Variants in SPATS2L observed in about 807,000 individuals in gnomAD.
The protein encoded by SPATS2L is SPATS2-like protein.
In SPATS2L, 30 loss-of-function variants were observed where a neutral mutation model predicts 59.6. The ratio of observed to expected loss-of-function variants is 0.50; its 90% CI spans 0.38 to 0.68. The LOEUF (loss-of-function observed/expected upper bound fraction) is 0.68. SPATS2L is among the 30% of genes least tolerant of loss of function. The pLI is 0.00. For synonymous variants in SPATS2L, 252 were observed against 263.5 expected (o/e 0.96, Z 0.42); for missense variants, 615 against 700.0 (o/e 0.88, Z 1.37).
intron 2 of SPATS2L, among the ~76,000 whole-genome samples, chr2:200,388,945 A>G (rs2082084980): frequency 6.6e-6 from 1 of 152,158 alleles, no homozygotes. Context: ...CTTTTACATA[A>G]TAGGAAGAAA....
chr2:200,480,782 T>TA lies in SPATS2L; in HGVS notation c.*2752dup, dbSNP rs2087757688. Reference sequence around the variant, plus strand: ...ATGTCAGGCCGCTTAAACACTGTATTACATATCTTCATCTGTCTGGTGGAA... The same window carrying TA: ...ATGTCAGGCCGCTTAAACACTGTATTAACATATCTTCATCTGTCTGGTGGAA... On this transcript the variant is annotated 3_prime_UTR_variant, in exon 13 of 13. Coordinates refer to ENST00000409140, the MANE Select transcript of SPATS2L (RefSeq NM_001100423.2). 1 of 152,238 alleles carries TA rather than the reference T, an allele frequency of 6.6e-6. No individual in the cohort carries two copies. Among genetic ancestry groups the TA allele is most frequent in the African/African-American group, 2.4e-5 (1 of 41,454 alleles). 9.4% of individuals were successfully genotyped at this position (152,238 alleles called of 1,614,324 possible). A position where few individuals can be genotyped will look rare whatever the true frequency, so the allele number is the denominator to read the frequency against.
At chr2:200,363,738 A>G (rs969103648) in intron 2 of SPATS2L, among the ~76,000 whole-genome samples, 3 of 152,226 alleles carry the variant, frequency 2.0e-5, no homozygotes, top group Non-Finnish European at 2.9e-5. Context: ...AGATGACATA[A>G]TAATGAAAAG....
At chr2:200,369,370 G>A (rs958291059) in intron 2 of SPATS2L, among the ~76,000 whole-genome samples, 11 of 152,136 alleles carry the variant, frequency 7.2e-5, no homozygotes, top group Non-Finnish European at 1.3e-4. Flanking sequence ...TGTTGGCCAA[G>A]CTGGTCTTGA....
At chr2:200,335,178 A>C (rs907282654) in intron 2 of SPATS2L, among the ~76,000 whole-genome samples, 4 of 152,164 alleles carry the variant, frequency 2.6e-5, no homozygotes, top group Admixed American at 2.6e-4. Context: ...AGACAAAACT[A>C]AACTTTGTTG....
At chr2:200,393,375 G>A (rs1269181247) in intron 3 of SPATS2L, 1 of 455,912 alleles carries the variant, frequency 2.2e-6, no homozygotes, top group Admixed American at 2.4e-5. Context: ...GATCACAGAG[G>A]TTCAGTGTAA....
At chr2:200,434,801 C>G (rs568537153) in intron 6 of SPATS2L, among the ~76,000 whole-genome samples, 58 of 152,074 alleles carry the variant, frequency 3.8e-4, no homozygotes, top group African/African-American at 1.3e-3. Flanking sequence ...CAACACAAGT[C>G]CAATGAAAAT....
chr2:200,353,192 A>C (rs539348458), intron 2 of SPATS2L, among the ~76,000 whole-genome samples: 2 of 152,322 alleles, frequency 1.3e-5, no homozygotes, highest in South Asian at 4.1e-4. Flanking sequence ...GAGATGAAAA[A>C]GTCCATGTAA....
chr2:200,433,935 C>T (rs1434768461), intron 6 of SPATS2L, among the ~76,000 whole-genome samples: 3 of 152,036 alleles, frequency 2.0e-5, no homozygotes, highest in African/African-American at 4.8e-5. Flanking sequence ...TACTTCCTAA[C>T]TCATTTTATG....
rs921777062 is a variant in SPATS2L at position 200,307,012 on chromosome 2, C to G, written c.-73+90C>G. 22 of 966,028 alleles carry G rather than the reference C, an allele frequency of 2.3e-5. 1 individual carries two copies. In the South Asian group the frequency reaches 3.8e-4, roughly 17 times the overall value. 59.8% of individuals were successfully genotyped at this position (966,028 alleles called of 1,614,324 possible). The stretch of plus-strand genomic sequence containing the variant: ...GGCCTGCGCGGCCGGGACGGAGACT[C>G]GGCTGGGCCGAGCATTCCGCAGCCC... On this transcript the variant is annotated intron_variant, in intron 1 of 12. Coordinates refer to ENST00000409140, the MANE Select transcript of SPATS2L (RefSeq NM_001100423.2).
intron 2 of SPATS2L, among the ~76,000 whole-genome samples, chr2:200,350,663 A>G (rs1299496565): frequency 1.3e-5 from 2 of 152,188 alleles, no homozygotes; most frequent in South Asian, 2.1e-4. Flanking sequence ...AGCTGGGACT[A>G]CAGGTGTGTG....
chr2:200,477,602 G>T (rs1444202380), intron 12 of SPATS2L, 34 bp from the exon 13 acceptor site: 1 of 1,476,278 alleles, frequency 6.8e-7, no homozygotes, highest in Admixed American at 2.5e-5. Flanking sequence ...TGGCTTGCTG[G>T]CATCTGATAC....
rs117996228 is a variant in SPATS2L at position 200,477,893 on chromosome 2, C to T, written c.1539C>T (p.His513=). Residue 513 remains histidine, a synonymous_variant, in exon 13 of 13, where the codon CAC becomes CAT. Coordinates refer to ENST00000409140, the MANE Select transcript of SPATS2L (RefSeq NM_001100423.2). ...CTGAAAAGCCCCGGCGAAGGCAGCA[C>T]GCTGCAGACACCTCGGAGGCCAGGC... ...AHSEKPRRRQ[H]AADTSEARPF... 9.3e-3 allele frequency: 15,029 copies of T among 1,610,758 alleles called. 401 individuals carry two copies. The highest frequency in any genetic ancestry group is 0.074 in the East Asian group (3,320 of 44,770).
intron 1 of SPATS2L, among the ~76,000 whole-genome samples, chr2:200,325,599 G>T (rs2079710650): frequency 6.6e-6 from 1 of 152,098 alleles, no homozygotes; most frequent in Admixed American, 6.5e-5. Context: ...GGCTGGTCTT[G>T]AATTCCTGGC....
In SPATS2L at chr2:200,470,989, A is replaced by G. The variant is rs905096936; in HGVS notation, c.1060+973A>G. ...GCCTAGCCAATATGGTAAAACCCCC[A>G]TCTCTACTAAAAGTGCAAAAATTAG... On this transcript the variant is annotated intron_variant, in intron 11 of 12. Coordinates refer to ENST00000409140, the MANE Select transcript of SPATS2L (RefSeq NM_001100423.2). 4.6e-5 allele frequency among the ~76,000 whole-genome samples: 7 copies of G among 152,098 alleles called. No homozygotes were observed. In the East Asian group the frequency reaches 1.4e-3, roughly 30 times the overall value.
In SPATS2L at chr2:200,344,316, C is replaced by A. The variant is rs754211329; in HGVS notation, c.-23+14836C>A. ...GCTCCCACTTATAAGTGAGAACACA[C>A]AACATTTTGTTTTCTGTTCCTATGT... On this transcript the variant is annotated intron_variant, in intron 2 of 12. Coordinates refer to ENST00000409140, the MANE Select transcript of SPATS2L (RefSeq NM_001100423.2). 7.2e-5 allele frequency among the ~76,000 whole-genome samples: 11 copies of A among 152,246 alleles called. 1 individual carries two copies. The highest frequency in any genetic ancestry group is 1.2e-4 in the African/African-American group (5 of 41,572).
In SPATS2L at chr2:200,477,578, A is replaced by G. The variant is rs144370830; in HGVS notation, c.1282-58A>G. 9.0e-6 allele frequency: 12 copies of G among 1,338,026 alleles called. No individual in the cohort carries two copies. In the East Asian group the frequency reaches 1.9e-4, roughly 21 times the overall value. 82.9% of individuals were successfully genotyped at this position (1,338,026 alleles called of 1,614,324 possible). On this transcript the variant is annotated intron_variant, in intron 12 of 12. Coordinates refer to ENST00000409140, the MANE Select transcript of SPATS2L (RefSeq NM_001100423.2). ...TAGAGATTTGGTTTTCCTGATGTCT[A>G]CTGGTGTCATCAGTGGCTTGCTGGC...
chr2:200,473,367 C>T (rs115054777), intron 12 of SPATS2L, among the ~76,000 whole-genome samples: 1,721 of 152,286 alleles, frequency 0.011, 29 homozygotes, highest in African/African-American at 0.039. Flanking sequence ...ATCCCTGGGG[C>T]CCCGAAACCA....
intron 3 of SPATS2L, among the ~76,000 whole-genome samples, chr2:200,410,785 A>G (rs747890625): frequency 4.3e-4 from 66 of 152,286 alleles, no homozygotes; most frequent in Admixed American, 9.2e-4. Context: ...TCATTTGGTC[A>G]ATGTGTAAAT....
intron 2 of SPATS2L, among the ~76,000 whole-genome samples, chr2:200,341,359 T>C (rs1449328433): frequency 6.6e-6 from 1 of 152,204 alleles, no homozygotes; most frequent in Non-Finnish European, 1.5e-5. Context: ...AGAACCTAAG[T>C]TTCCTCATCT....
Sources: allele counts gnomAD v4.1 joint callset (sites outside exome capture counted in the v4.1 genomes callset), GRCh38; gene constraint gnomAD v4.1.1; transcripts MANE v1.5; gene names NCBI Gene and HGNC (gene_info 2026-07-23, HGNC 2026-07-21).